The following UBL3 variants were observed in gnomAD, a reference collection of about 807,000 sequenced individuals.
UBL3 encodes ubiquitin-like protein 3.
Under a neutral mutation model 18.4 loss-of-function variants are expected in UBL3, and 6 were observed. The observed-to-expected ratio is 0.33, with a 90% CI of 0.18 to 0.64. The LOEUF is 0.64. Among genes scored for constraint, UBL3 ranks in the 30% least tolerant of loss-of-function variants. The probability of loss-of-function intolerance (pLI) is 0.76; values close to 1 mark genes in which losing one functional copy is unlikely to be tolerated. For synonymous variants in UBL3, 49 were observed against 46.6 expected, an observed-to-expected ratio of 1.05 and a Z score of -0.21; for missense variants, 109 against 142.9, an observed-to-expected ratio of 0.76 and a Z score of 1.21.
intron 1 of UBL3, among the ~76,000 whole-genome samples, chr13:29,817,667 A>C (rs17073936): frequency 0.021 from 3,188 of 152,320 alleles, 100 homozygotes; most frequent in East Asian, 0.07. Flanking sequence ...CATTTAGCAG[A>C]AGATCAATGC....
At chr13:29,821,038 A>G (rs1417074729) in intron 1 of UBL3, among the ~76,000 whole-genome samples, 2 of 152,178 alleles carry the variant, frequency 1.3e-5, no homozygotes, top group East Asian at 3.9e-4. Flanking sequence ...TAAAATGGGG[A>G]TAATAATAAT....
chr13:29,833,155 G>A (rs1942825299), intron 1 of UBL3, among the ~76,000 whole-genome samples: 1 of 152,054 alleles, frequency 6.6e-6, no homozygotes, highest in South Asian at 2.1e-4. Context: ...TAGCATGTGA[G>A]TGATAGCCAG....
At chr13:29,771,977 A>G (rs1876852125) in intron 3 of UBL3, 135 bp downstream of exon 3, 1 of 716,842 alleles carries the variant, frequency 1.4e-6, no homozygotes, top group African/African-American at 1.8e-5. Flanking sequence ...AGGAGTAGGC[A>G]TACCAGAAAT....
chr13:29,849,360 G>A (rs1273821480), intron 1 of UBL3, 152 bp downstream of exon 1: 2 of 967,762 alleles, frequency 2.1e-6, no homozygotes, highest in Admixed American at 5.1e-5. Context: ...TCCTAAAAGG[G>A]GGAAACCAGA....
chr13:29,804,144 T>C (rs986228197), intron 1 of UBL3, among the ~76,000 whole-genome samples: 2 of 148,344 alleles, frequency 1.3e-5, no homozygotes, highest in South Asian at 4.2e-4. Flanking sequence ...TCATTAAAAA[T>C]AGAACTTAAT....
chr13:29,809,213 C>A (rs567835190), intron 1 of UBL3, among the ~76,000 whole-genome samples: 1 of 152,062 alleles, frequency 6.6e-6, no homozygotes, highest in Non-Finnish European at 1.5e-5. Context: ...ACAGGGTCAA[C>A]AGGGTCCTAG....
chr13:29,830,068 A>G (rs1471511214), intron 1 of UBL3, among the ~76,000 whole-genome samples: 1 of 152,168 alleles, frequency 6.6e-6, no homozygotes, highest in African/African-American at 2.4e-5. Flanking sequence ...TGTGCTTCTC[A>G]GGTAATTATA....
intron 1 of UBL3, among the ~76,000 whole-genome samples, chr13:29,833,429 C>A (rs1178799166): frequency 6.6e-6 from 1 of 150,876 alleles, no homozygotes; most frequent in Non-Finnish European, 1.5e-5. Flanking sequence ...ATAATGAGAC[C>A]ACTTAGATCA....
chr13:29,811,609 C>T (rs1878087253), intron 1 of UBL3, among the ~76,000 whole-genome samples: 1 of 152,074 alleles, frequency 6.6e-6, no homozygotes, highest in South Asian at 2.1e-4. Flanking sequence ...AGTTGCTCTT[C>T]TTGTCTTTCA....
chr13:29,767,318 C>A lies in UBL3; in HGVS notation c.302-11G>T, dbSNP rs372393605. On this transcript the variant is annotated splice_polypyrimidine_tract_variant and intron_variant, in intron 4 of 4. Coordinates refer to ENST00000380680, the MANE Select transcript of UBL3 (RefSeq NM_007106.4). The stretch of plus-strand genomic sequence containing the variant: ...CACGATTCCTCTGACCTAGGGAAAA[C>A]GAAGAAGAGCCTCGTTTATAAAAAT... The A allele has an allele frequency of 5.6e-6, 9 of 1,612,678 alleles. No individual in the cohort carries two copies. The African/African-American group carries it at 6.7e-5, about 12-fold the overall frequency.
At chr13:29,824,078 G>C (rs1432972576) in intron 1 of UBL3, among the ~76,000 whole-genome samples, 1 of 152,148 alleles carries the variant, frequency 6.6e-6, no homozygotes, top group Admixed American at 6.5e-5. Flanking sequence ...TGGTGTATAT[G>C]TGCCACACTT....
chr13:29,838,474 T>C (rs1212222974), intron 1 of UBL3, among the ~76,000 whole-genome samples: 1 of 152,132 alleles, frequency 6.6e-6, no homozygotes, highest in Admixed American at 6.5e-5. Context: ...ACAATAATAA[T>C]AATGACATCT....
intron 1 of UBL3, among the ~76,000 whole-genome samples, chr13:29,831,449 G>A (rs1878768104): frequency 6.6e-6 from 1 of 152,000 alleles, no homozygotes; most frequent in African/African-American, 2.4e-5. Flanking sequence ...ATTAGCCGGG[G>A]TGGTAGTGCA....
chr13:29,830,217 T>C (rs995726831), intron 1 of UBL3, among the ~76,000 whole-genome samples: 14 of 152,326 alleles, frequency 9.2e-5, no homozygotes, highest in Admixed American at 5.2e-4. Context: ...ATCTAGTGGT[T>C]CTAATTGAGA....
In UBL3 at chr13:29,765,881, C is replaced by G. The variant is rs1247787943; in HGVS notation, c.*1374G>C. The G allele has an allele frequency of 3.4e-4, 3 of 8,704 alleles. No homozygotes were observed. The highest frequency in any genetic ancestry group is 9.4e-3 in the South Asian group (1 of 106). 0.5% of individuals were successfully genotyped at this position (8,704 alleles called of 1,614,324 possible). A position where few individuals can be genotyped will look rare whatever the true frequency, so the allele number is the denominator to read the frequency against. ...TTAATGTTTGTAAGGGCTGTTGACA[C>G]TTAGTACAGAATGTAATGTCAGCCT... On this transcript the variant is annotated 3_prime_UTR_variant, in exon 5 of 5. Coordinates refer to ENST00000380680, the MANE Select transcript of UBL3 (RefSeq NM_007106.4).
At chr13:29,795,772 A>AAT (rs1177493627) in intron 1 of UBL3, among the ~76,000 whole-genome samples, 2 of 150,086 alleles carry the variant, frequency 1.3e-5, no homozygotes, top group Non-Finnish European at 3.0e-5. Flanking sequence ...AAAAAAAAAA[A>AAT]AAAAAGAGAG....
At position 29,772,141 on chromosome 13, in the gene UBL3, C is replaced by T. The variant is rs376057091; in HGVS notation, c.194G>A (p.Arg65Gln). ...PNILRLIYQG[R>Q]FLHGNVTLGA... ...TAATGTGACATTTCCATGTAGAAAT[C>T]GTCCTTGATAAATAAGTCGTAGAAT... Residue 65 changes from arginine to glutamine, a missense_variant, in exon 3 of 5, where the codon CGA becomes CAA. By Grantham distance (43) the Arg-to-Gln change is conservative. Transcript: ENST00000380680. 8.7e-6 allele frequency: 14 copies of T among 1,611,720 alleles called. No homozygotes were observed. The highest frequency in any genetic ancestry group is 1.7e-5 in the Admixed American group (1 of 59,864).
chr13:29,778,711 C>T (rs1191548973), intron 1 of UBL3, among the ~76,000 whole-genome samples: 1 of 152,130 alleles, frequency 6.6e-6, no homozygotes, highest in Non-Finnish European at 1.5e-5. Context: ...TTACTACCAC[C>T]ATGGCCAATG....
rs189126607 is a variant in UBL3, at chr13:29,830,112, A to C, written c.27+19400T>G. 3.2e-4 allele frequency among the ~76,000 whole-genome samples: 48 copies of C among 152,222 alleles called. No homozygotes were observed. The East Asian group carries it at 7.7e-3, about 24-fold the overall frequency. ...AAGTTATTCAAGTCACCTGGGGAAC[A>C]AAAAAAGGGTTTTACAGTTTCAGAG... On this transcript the variant is annotated intron_variant, in intron 1 of 4. Coordinates refer to ENST00000380680, the MANE Select transcript of UBL3 (RefSeq NM_007106.4).
Sources: allele counts gnomAD v4.1 joint callset (sites outside exome capture counted in the v4.1 genomes callset), GRCh38; gene constraint gnomAD v4.1.1; transcripts MANE v1.5; gene names NCBI Gene and HGNC (gene_info 2026-07-23, HGNC 2026-07-21).